Variants in FAM24B observed in about 807,000 individuals in gnomAD.
FAM24B encodes the protein protein FAM24B.
FAM24B carries 3 observed loss-of-function variants against 2.3 expected under a neutral mutation model. The ratio of observed to expected loss-of-function variants is 1.29; its 90% CI spans 0.59 to 3.32. FAM24B has a LOEUF of 3.32. Ranked by LOEUF, FAM24B falls within the 30% of genes most tolerant of loss-of-function variation. The pLI is 0.03. For missense variants in FAM24B, 98 were observed against 117.2 expected, an observed-to-expected ratio of 0.84 and a Z score of 0.76; for synonymous variants, 36 against 46.3, an observed-to-expected ratio of 0.78 and a Z score of 0.90.
At chr10:122,871,552 G>A (rs1475290307) in intron 1 of FAM24B, among the ~76,000 whole-genome samples, 1 of 151,992 alleles carries the variant, frequency 6.6e-6, no homozygotes. Flanking sequence ...CAGGGCTACA[G>A]TAACCAAAAC....
chr10:122,853,215 A>C (rs1847572382), intron 2 of FAM24B, among the ~76,000 whole-genome samples: 1 of 152,150 alleles, frequency 6.6e-6, no homozygotes, highest in African/African-American at 2.4e-5. Flanking sequence ...TATATGGGAA[A>C]TTTTTAAATC....
chr10:122,873,311 T>C (rs1353686906), intron 1 of FAM24B, among the ~76,000 whole-genome samples: 1 of 152,246 alleles, frequency 6.6e-6, no homozygotes, highest in Non-Finnish European at 1.5e-5. Context: ...CTGAAAATCC[T>C]AGGGCTCTTA....
At chr10:122,867,037 G>T (rs570051258) in intron 1 of FAM24B, among the ~76,000 whole-genome samples, 4 of 152,314 alleles carry the variant, frequency 2.6e-5, no homozygotes, top group Non-Finnish European at 5.9e-5. Context: ...CTACTCCAGT[G>T]AACACACAGA....
At chr10:122,850,007 A>G (rs1473273497) in intron 3 of FAM24B, among the ~76,000 whole-genome samples, 2 of 152,122 alleles carry the variant, frequency 1.3e-5, no homozygotes, top group African/African-American at 2.4e-5. Flanking sequence ...GAAGAGATCA[A>G]TCCAGCCCGT....
intron 1 of FAM24B, among the ~76,000 whole-genome samples, chr10:122,861,808 C>T (rs778883902): frequency 2.0e-5 from 3 of 152,176 alleles, no homozygotes; most frequent in Admixed American, 6.5e-5. Context: ...ACATCCTGAG[C>T]CACTGGGACA....
chr10:122,862,521 T>C (rs1460891250), intron 1 of FAM24B, among the ~76,000 whole-genome samples: 2 of 152,216 alleles, frequency 1.3e-5, no homozygotes, highest in Non-Finnish European at 1.5e-5. Flanking sequence ...TTCTTTTCAG[T>C]GTATTTCTTA....
At position 122,870,403 on chromosome 10, in the gene FAM24B, A is replaced by G. The variant is rs1847875028; in HGVS notation, c.-178+9082T>C. Among the ~76,000 whole-genome samples the G allele has an allele frequency of 2.6e-5, 4 of 152,192 alleles. No homozygotes were observed. The South Asian group carries it at 8.3e-4, about 32-fold the overall frequency. On this transcript the variant is annotated intron_variant, in intron 1 of 3. Coordinates refer to ENST00000368898, the MANE Select transcript of FAM24B (RefSeq NM_152644.3). ...TCCTTCTGAAACTATTCCAATCAAT[A>G]GAAAAAGAGGGAATCCTCCCTAACT...
At chr10:122,859,411 C>T (rs939052909) in intron 1 of FAM24B, among the ~76,000 whole-genome samples, 12 of 152,180 alleles carry the variant, frequency 7.9e-5, no homozygotes, top group African/African-American at 1.9e-4. Flanking sequence ...ATGAGAGCCT[C>T]CCAGAGAAGA....
chr10:122,850,323 T>C, intron 3 of FAM24B, 101 bp downstream of exon 3: 2 of 931,166 alleles, frequency 2.1e-6, no homozygotes, highest in Non-Finnish European at 3.5e-6. Context: ...GGAATGACCT[T>C]GCTCCAACAG....
At position 122,875,421 on chromosome 10, in the gene FAM24B, A is replaced by G. The variant is rs189219031; in HGVS notation, c.-178+4064T>C. Among the ~76,000 whole-genome samples the G allele has an allele frequency of 2.0e-5, 3 of 152,338 alleles. No homozygotes were observed. The East Asian group carries it at 5.8e-4, about 29-fold the overall frequency. ...TTACAAAATCTGCATCATATGTAAG[A>G]ATGGTTCTGATATTTCCTTTGTTTC... On this transcript the variant is annotated intron_variant, in intron 1 of 3. Coordinates refer to ENST00000368898, the MANE Select transcript of FAM24B (RefSeq NM_152644.3).
intron 1 of FAM24B, among the ~76,000 whole-genome samples, chr10:122,858,859 C>T (rs1204006700): frequency 6.6e-6 from 1 of 152,206 alleles, no homozygotes; most frequent in Non-Finnish European, 1.5e-5. Context: ...GGCACCCCAC[C>T]CTCCCTGGCA....
chr10:122,868,259 G>T (rs1847833331), intron 1 of FAM24B, among the ~76,000 whole-genome samples: 1 of 152,128 alleles, frequency 6.6e-6, no homozygotes, highest in Non-Finnish European at 1.5e-5. Context: ...AACGAACAAA[G>T]CCTCCAAGAA....
At chr10:122,873,766 G>A (rs1168408327) in intron 1 of FAM24B, among the ~76,000 whole-genome samples, 3 of 152,106 alleles carry the variant, frequency 2.0e-5, no homozygotes, top group Admixed American at 6.5e-5. Context: ...AGTACTCTCC[G>A]TTTCCCTGTA....
At chr10:122,853,521 T>G (rs1457522971) in intron 2 of FAM24B, among the ~76,000 whole-genome samples, 1 of 152,176 alleles carries the variant, frequency 6.6e-6, no homozygotes, top group Non-Finnish European at 1.5e-5. Context: ...TTCACTGATT[T>G]CCACCTCTCT....
intron 1 of FAM24B, among the ~76,000 whole-genome samples, chr10:122,872,889 A>G (rs1398464817): frequency 6.6e-6 from 1 of 152,192 alleles, no homozygotes; most frequent in Non-Finnish European, 1.5e-5. Context: ...ATACGTATGT[A>G]ACAAACCTGC....
intron 1 of FAM24B, among the ~76,000 whole-genome samples, chr10:122,863,280 T>G (rs982575446): frequency 2.4e-4 from 36 of 152,196 alleles, no homozygotes; most frequent in Non-Finnish European, 4.4e-5. Flanking sequence ...TTTCATTCTC[T>G]TAAGAGACCC....
rs139880989 is a variant in FAM24B, at chr10:122,850,544, G to C, written c.-29C>G. 7 of 1,521,120 alleles carry C rather than the reference G, an allele frequency of 4.6e-6. No individual in the cohort carries two copies. The highest frequency in any genetic ancestry group is 6.4e-6 in the Non-Finnish European group (7 of 1,094,994). The allele number at this position is 1,521,120 out of a possible 1,614,324, so 94.2% of individuals were successfully genotyped here. On this transcript the variant is annotated 5_prime_UTR_variant, in exon 3 of 4. In the 5' UTR this introduces an upstream ATG that the reference lacks. Coordinates refer to ENST00000368898, the MANE Select transcript of FAM24B (RefSeq NM_152644.3). ...CACTGTATGGAGGTCAAAAGACTTC[G>C]ATGTACCTAGGCAGATAAGTGCAAG...
At chr10:122,876,358 T>C (rs772774547) in intron 1 of FAM24B, among the ~76,000 whole-genome samples, 3 of 152,224 alleles carry the variant, frequency 2.0e-5, no homozygotes, top group Non-Finnish European at 4.4e-5. Context: ...TCTGGTAAAG[T>C]ACTTTCCCTT....
At chr10:122,867,599 G>A (rs1301412702) in intron 1 of FAM24B, among the ~76,000 whole-genome samples, 1 of 152,168 alleles carries the variant, frequency 6.6e-6, no homozygotes, top group East Asian at 1.9e-4. Context: ...AAAACATCCA[G>A]AGAAACGAAC....
Sources: allele counts gnomAD v4.1 joint callset (sites outside exome capture counted in the v4.1 genomes callset), GRCh38; gene constraint gnomAD v4.1.1; transcripts MANE v1.5; gene names NCBI Gene and HGNC (gene_info 2026-07-23, HGNC 2026-07-21).